Variants in CELF2 observed in about 807,000 individuals in gnomAD.
The protein encoded by CELF2 is CUGBP Elav-like family member 2, also known as CUG triplet repeat RNA-binding protein 2.
CELF2 carries 8 observed loss-of-function variants against 62.6 expected under a neutral mutation model. That is an observed-to-expected ratio of 0.13 (90% CI 0.07 to 0.23). The LOEUF is 0.23. Among genes scored for constraint, CELF2 ranks in the 10% least tolerant of loss-of-function variants. The pLI is 1.00. For synonymous variants in CELF2, 258 were observed against 250.0 expected, an observed-to-expected ratio of 1.03 and a Z score of -0.30; for missense variants, 333 against 671.0, an observed-to-expected ratio of 0.50 and a Z score of 5.56.
At chr10:11,108,482 C>G (rs2054258378) in intron 1 of CELF2, among the ~76,000 whole-genome samples, 2 of 152,170 alleles carry the variant, frequency 1.3e-5, no homozygotes, top group South Asian at 4.2e-4. Flanking sequence ...TGTTCCTTCC[C>G]CTGGTAATAG....
rs2065776433 is a variant in CELF2 at position 10,928,630 on chromosome 10, T to C, written c.89+8631T>C. On this transcript the variant is annotated intron_variant, in intron 2 of 13. Coordinates refer to the CELF2 transcript ENST00000636488. The surrounding 1 kb of genome is among the most constrained non-coding windows in gnomAD (Gnocchi z 4.8). ...ACTGAAAATATTTACTGTTTACTTT[T>C]ATAGAAAGGTTTGCTGACCACTGTT... Among the ~76,000 whole-genome samples the C allele has an allele frequency of 2.0e-5, 3 of 152,230 alleles. No homozygotes were observed. Among genetic ancestry groups the C allele is most frequent in the African/African-American group, 7.2e-5 (3 of 41,452 alleles).
chr10:10,505,891 C>A, the CELF2 span, among the ~76,000 whole-genome samples: 1 of 152,188 alleles, frequency 6.6e-6, no homozygotes, highest in Non-Finnish European at 1.5e-5. Context: ...AGCTCTATAT[C>A]TGGGAACTCA....
At chr10:10,655,136 A>C in the CELF2 span, among the ~76,000 whole-genome samples, 226 of 150,268 alleles carry the variant, frequency 1.5e-3, 2 homozygotes, top group African/African-American at 5.2e-3. Flanking sequence ...CAAAGAGAAT[A>C]AAATACTTAG....
At chr10:11,248,255 G>A (rs1226391045) in intron 3 of CELF2, among the ~76,000 whole-genome samples, 5 of 152,220 alleles carry the variant, frequency 3.3e-5, no homozygotes, top group African/African-American at 1.2e-4. Context: ...GCAGCATTGT[G>A]TGCTTGGAGC....
At chr10:10,907,115 G>A (rs546002043) in intron 1 of CELF2, among the ~76,000 whole-genome samples, 29 of 151,046 alleles carry the variant, frequency 1.9e-4, no homozygotes, top group African/African-American at 4.1e-4. Flanking sequence ...ACACGCAAAC[G>A]CACACACACA....
upstream of CELF2, among the ~76,000 whole-genome samples, chr10:11,001,608 T>C (rs779552632): frequency 6.6e-6 from 1 of 152,232 alleles, no homozygotes; most frequent in Non-Finnish European, 1.5e-5. Flanking sequence ...AGAAGCTGGC[T>C]GATTCTTAGC....
At chr10:10,789,750 C>T in the CELF2 span, among the ~76,000 whole-genome samples, 2 of 151,998 alleles carry the variant, frequency 1.3e-5, no homozygotes, top group African/African-American at 4.8e-5. Context: ...ATTTGAATTT[C>T]TTCCTCCATA....
At chr10:10,729,714 G>T in the CELF2 span, among the ~76,000 whole-genome samples, 2 of 151,948 alleles carry the variant, frequency 1.3e-5, no homozygotes, top group Non-Finnish European at 2.9e-5. Flanking sequence ...GGGAGGCGGA[G>T]GGTGCAGTAA....
chr10:10,491,466 T>C, the CELF2 span, among the ~76,000 whole-genome samples: 1 of 152,166 alleles, frequency 6.6e-6, no homozygotes, highest in Non-Finnish European at 1.5e-5. Context: ...TTCTAATTGT[T>C]CTTACAAACA....
the CELF2 span, among the ~76,000 whole-genome samples, chr10:10,520,486 C>T: frequency 6.6e-6 from 1 of 152,126 alleles, no homozygotes; most frequent in Admixed American, 6.5e-5. Flanking sequence ...AAGAGCATGT[C>T]CTCGAGCTTC....
intron 2 of CELF2, among the ~76,000 whole-genome samples, chr10:11,202,784 A>G (rs1484619804): frequency 6.6e-6 from 1 of 152,128 alleles, no homozygotes; most frequent in South Asian, 2.1e-4. Context: ...TATCTGCACA[A>G]TTAGGAAGCA....
chr10:10,899,553 T>TC (rs398096786), intron 1 of CELF2, among the ~76,000 whole-genome samples: 1 of 152,194 alleles, frequency 6.6e-6, no homozygotes, highest in Non-Finnish European at 1.5e-5. Flanking sequence ...ATGGTTTTTT[T>TC]CCCCCAACCT....
the CELF2 span, among the ~76,000 whole-genome samples, chr10:10,471,193 A>G: frequency 6.6e-6 from 1 of 151,788 alleles, no homozygotes; most frequent in African/African-American, 2.4e-5. Flanking sequence ...CCAGATGTAC[A>G]TAAAAAGAAT....
intron 1 of CELF2, among the ~76,000 whole-genome samples, chr10:11,068,772 A>G (rs553019308): frequency 6.6e-6 from 1 of 152,152 alleles, no homozygotes; most frequent in East Asian, 1.9e-4. Flanking sequence ...GTGTTAGCCA[A>G]GATGGTCTCG....
chr10:10,719,416 G>C, the CELF2 span, among the ~76,000 whole-genome samples: 2 of 151,900 alleles, frequency 1.3e-5, no homozygotes, highest in African/African-American at 4.8e-5. Context: ...GTTCCACTAG[G>C]CCTGGCTAAT....
chr10:11,135,908 ACT>A (rs2060360733), intron 1 of CELF2, among the ~76,000 whole-genome samples: 1 of 152,002 alleles, frequency 6.6e-6, no homozygotes, highest in Admixed American at 6.6e-5. Context: ...GCTGAATCAG[ACT>A]CTCTGGGGTG....
intron 2 of CELF2, among the ~76,000 whole-genome samples, chr10:11,196,650 A>T (rs958270320): frequency 4.6e-5 from 7 of 150,992 alleles, no homozygotes; most frequent in African/African-American, 1.7e-4. Flanking sequence ...CTCTCTCTTT[A>T]AAAAAAACAA....
chr10:11,297,357 G>A lies in CELF2; in HGVS notation c.976+8805G>A, dbSNP rs536961790. On this transcript the variant is annotated intron_variant, in intron 9 of 12. Transcript: ENST00000633077. This position sits in a 1 kb window ranked among gnomAD's most constrained non-coding sequence, Gnocchi z 4.4. ...GCAGAGGCCAGGCGGGCTGCCCTAA[G>A]CCCGGGGAGGGGTGAGGTCATCAGG... Among the ~76,000 whole-genome samples the A allele has an allele frequency of 3.3e-5, 5 of 152,294 alleles. No homozygotes were observed. The East Asian group carries it at 7.7e-4, about 24-fold the overall frequency.
the CELF2 span, among the ~76,000 whole-genome samples, chr10:10,687,171 A>G: frequency 6.6e-6 from 1 of 152,194 alleles, no homozygotes; most frequent in Non-Finnish European, 1.5e-5. Context: ...GGGCACATGC[A>G]AAGTGCTGAT....
Sources: gnomAD v4.1 joint callset for allele counts (sites outside exome capture counted in the v4.1 genomes callset) on GRCh38, gnomAD v4.1.1 for gene constraint, Gnocchi (gnomAD v3.1) non-coding constraint, MANE v1.5 for transcripts, NCBI Gene and HGNC (gene_info 2026-07-23, HGNC 2026-07-21) for gene names.